Variants in LRFN5 observed in about 807,000 individuals in gnomAD.
LRFN5 encodes the protein leucine-rich repeat and fibronectin type-III domain-containing protein 5.
A neutral mutation model predicts 45.6 loss-of-function variants in LRFN5; 24 were observed. The ratio of observed to expected loss-of-function variants is 0.53; its 90% confidence interval spans 0.38 to 0.74. The LOEUF (loss-of-function observed/expected upper bound fraction) is 0.74, where lower values mean the gene tolerates loss of function less well. LRFN5 is among the 30% of genes least tolerant of loss of function. The pLI, the probability that LRFN5 is intolerant of heterozygous loss-of-function variation, is 0.00. For synonymous variants in LRFN5, 340 were observed against 313.8 expected (o/e 1.08, Z -0.88); for missense variants, 776 against 861.5 (o/e 0.90, Z 1.24).
intron 1 of LRFN5, among the ~76,000 whole-genome samples, chr14:41,705,194 A>C (rs1883013248): frequency 6.6e-6 from 1 of 152,106 alleles, no homozygotes; most frequent in African/African-American, 2.4e-5. Context: ...AATAAAAAAA[A>C]AATCCCCAAA....
In LRFN5 at chr14:41,740,149, T is replaced by A. The variant is rs563831079; in HGVS notation, c.-196-26705T>A. 2.6e-5 allele frequency among the ~76,000 whole-genome samples: 4 copies of A among 152,176 alleles called. No homozygotes were observed. The South Asian group carries it at 8.3e-4, about 32-fold the overall frequency. Reference sequence around the variant, plus strand: ...AACTAATATCAGTCCTTCTCAAGATTATCCAGAAAACTGAAATGGAGGGAA... The same window carrying A: ...AACTAATATCAGTCCTTCTCAAGATAATCCAGAAAACTGAAATGGAGGGAA... On this transcript the variant is annotated intron_variant, in intron 1 of 5. Coordinates refer to ENST00000298119, the MANE Select transcript of LRFN5 (RefSeq NM_152447.5).
intron 1 of LRFN5, chr14:41,731,744 G>T (rs183731891): frequency 6.6e-6 from 1 of 152,214 alleles, no homozygotes. Flanking sequence ...ATCCATTGTT[G>T]ATGTTTTCCC....
intron 2 of LRFN5, among the ~76,000 whole-genome samples, chr14:41,859,938 G>A (rs868271978): frequency 3.3e-5 from 5 of 152,032 alleles, no homozygotes; most frequent in African/African-American, 1.2e-4. Context: ...TCTACACTGG[G>A]TTTTGGAGGC....
intron 2 of LRFN5, among the ~76,000 whole-genome samples, chr14:41,803,875 T>C (rs1047552751): frequency 6.6e-6 from 1 of 152,010 alleles, no homozygotes; most frequent in Non-Finnish European, 1.5e-5. Context: ...ATTTGTTTGT[T>C]TGTTTTGAGA....
chr14:41,624,225 C>T (rs150322834), intron 1 of LRFN5, among the ~76,000 whole-genome samples: 1 of 151,854 alleles, frequency 6.6e-6, no homozygotes, highest in African/African-American at 2.4e-5. Context: ...AAGTATAGTC[C>T]AAAACATTAT....
intron 4 of LRFN5, chr14:41,893,828 A>C (rs1594503938): frequency 1.0e-6 from 1 of 985,300 alleles, no homozygotes; most frequent in South Asian, 4.7e-5. Context: ...TCTTTCTAAA[A>C]AGTTTACTTT....
intron 3 of LRFN5, 23 bp downstream of exon 3, chr14:41,888,033 G>A: frequency 3.2e-6 from 5 of 1,539,518 alleles, no homozygotes; most frequent in Non-Finnish European, 4.4e-6. Flanking sequence ...GAGCAAATTT[G>A]TATACTTACC....
intron 1 of LRFN5, among the ~76,000 whole-genome samples, chr14:41,656,992 C>T (rs185569545): frequency 8.6e-4 from 130 of 151,814 alleles, no homozygotes; most frequent in East Asian, 3.5e-3. Context: ...TATCCTCAAT[C>T]GTTATGTTTC....
At chr14:41,671,712 G>A (rs1261967245) in intron 1 of LRFN5, among the ~76,000 whole-genome samples, 3 of 143,738 alleles carry the variant, frequency 2.1e-5, no homozygotes, top group African/African-American at 7.9e-5. Flanking sequence ...TGCCTCCTGG[G>A]TTCAAGCTAT....
intron 1 of LRFN5, among the ~76,000 whole-genome samples, chr14:41,739,279 G>A (rs915691523): frequency 6.6e-6 from 1 of 152,096 alleles, no homozygotes; most frequent in Non-Finnish European, 1.5e-5. Context: ...TAGCTATTTG[G>A]GAGGGTGGCG....
intron 1 of LRFN5, among the ~76,000 whole-genome samples, chr14:41,666,282 T>A (rs1157358922): frequency 2.0e-5 from 3 of 152,012 alleles, no homozygotes; most frequent in African/African-American, 7.2e-5. Context: ...CATTAGTAAT[T>A]ATTTGAAAGA....
intron 1 of LRFN5, among the ~76,000 whole-genome samples, chr14:41,712,693 G>T (rs991761048): frequency 4.6e-5 from 7 of 152,092 alleles, no homozygotes; most frequent in Admixed American, 4.6e-4. Flanking sequence ...TATGAAGTTT[G>T]CATAAGACAT....
chr14:41,894,872 T>C (rs930568285), intron 4 of LRFN5: 8 of 982,754 alleles, frequency 8.1e-6, no homozygotes, highest in Middle Eastern at 5.2e-4. Context: ...CTTTCTGTCA[T>C]TTATTATTTT....
intron 1 of LRFN5, among the ~76,000 whole-genome samples, chr14:41,730,296 A>G (rs1594652943): frequency 6.6e-6 from 1 of 152,176 alleles, no homozygotes; most frequent in East Asian, 1.9e-4. Context: ...CTTATCATTT[A>G]TCACCCCTAC....
At chr14:41,671,782 C>G (rs986501461) in intron 1 of LRFN5, among the ~76,000 whole-genome samples, 10 of 151,862 alleles carry the variant, frequency 6.6e-5, no homozygotes, top group African/African-American at 2.4e-4. Flanking sequence ...TCATGCCCGG[C>G]TAATTTTGTA....
At chr14:41,845,957 T>A (rs1054553758) in intron 2 of LRFN5, among the ~76,000 whole-genome samples, 3 of 152,200 alleles carry the variant, frequency 2.0e-5, no homozygotes, top group African/African-American at 7.2e-5. Flanking sequence ...GCTTAACACT[T>A]GTTAAAGTAT....
intron 1 of LRFN5, among the ~76,000 whole-genome samples, chr14:41,681,805 T>TTTAC (rs1881901077): frequency 1.1e-5 from 1 of 91,906 alleles, no homozygotes; most frequent in Non-Finnish European, 1.9e-5. Context: ...ATTTTATTTA[T>TTTAC]TTATTTATTT....
chr14:41,742,894 C>T (rs1884764424), intron 1 of LRFN5: 1 of 155,650 alleles, frequency 6.4e-6, no homozygotes, highest in Non-Finnish European at 1.4e-5. Flanking sequence ...TCATATAGAG[C>T]TCCAGGCTAC....
At chr14:41,871,460 G>T (rs1890016291) in intron 2 of LRFN5, among the ~76,000 whole-genome samples, 1 of 151,884 alleles carries the variant, frequency 6.6e-6, no homozygotes, top group Non-Finnish European at 1.5e-5. Context: ...ATGGTGGTGG[G>T]CACCTGTAAT....
Sources: gnomAD v4.1 joint callset for allele counts (sites outside exome capture counted in the v4.1 genomes callset) on GRCh38, gnomAD v4.1.1 for gene constraint, MANE v1.5 for transcripts, NCBI Gene and HGNC (gene_info 2026-07-23, HGNC 2026-07-21) for gene names.